Variants in LEPROT observed in about 807,000 individuals in gnomAD.
The protein encoded by LEPROT is leptin receptor overlapping transcript, also known as leptin receptor gene-related protein.
In LEPROT, 3 loss-of-function variants were observed where a neutral mutation model predicts 15.4. That is an observed-to-expected ratio of 0.19 (90% CI 0.09 to 0.50). The LOEUF (loss-of-function observed/expected upper bound fraction) is 0.50. LEPROT is among the 20% of genes least tolerant of loss of function. LEPROT has a pLI of 0.97. For synonymous variants in LEPROT, 59 were observed against 57.5 expected (o/e 1.03, Z -0.12); for missense variants, 137 against 162.2 (o/e 0.84, Z 0.84).
Position 65,433,070 on chromosome 1 carries a change from G to T in LEPROT, c.*1151G>T, listed in dbSNP as rs186487517. The stretch of plus-strand genomic sequence containing the variant: ...AGATGCGGGCAGGGAGGCTGGGCTC[G>T]AGCCAGCCCCTGCGTTAGCAGGAGG... On this transcript the variant is annotated 3_prime_UTR_variant, in exon 4 of 4. Coordinates refer to ENST00000371065, the MANE Select transcript of LEPROT (RefSeq NM_017526.5). 1.0e-6 allele frequency: 1 copy of T among 985,380 alleles called. No homozygotes were observed. Among genetic ancestry groups the T allele is most frequent in the Non-Finnish European group, 1.2e-6 (1 of 829,932 alleles). 61.0% of individuals were successfully genotyped at this position (985,380 alleles called of 1,614,324 possible).
rs1410378867 is a variant in LEPROT at position 65,433,972 on chromosome 1, A to C, written c.*2053A>C. On this transcript the variant is annotated 3_prime_UTR_variant, in exon 4 of 4. Transcript: ENST00000371065. Reference sequence around the variant, plus strand: ...ATCTTGAATGTCTAGTTGGTGTGCAATAGCTTTTCTTTCTAAGATGGCAAT... The same window carrying C: ...ATCTTGAATGTCTAGTTGGTGTGCACTAGCTTTTCTTTCTAAGATGGCAAT... 1.0e-6 allele frequency: 1 copy of C among 985,410 alleles called. No individual in the cohort carries two copies. Among genetic ancestry groups the C allele is most frequent in the East Asian group, 1.1e-4 (1 of 8,820 alleles). The allele number at this position is 985,410 out of a possible 1,614,324, so 61.0% of individuals were successfully genotyped here.
chr1:65,427,931 A>G (rs1384544203), intron 2 of LEPROT: 1 of 178,154 alleles, frequency 5.6e-6, no homozygotes, highest in African/African-American at 2.4e-5. Flanking sequence ...AACCAGGATT[A>G]TCATCTATAT....
In LEPROT at chr1:65,432,998, A is replaced by G; in HGVS notation, c.*1079A>G. On this transcript the variant is annotated 3_prime_UTR_variant, in exon 4 of 4. Coordinates refer to ENST00000371065, the MANE Select transcript of LEPROT (RefSeq NM_017526.5). ...AAAAAAACATCTCAGTGGGGAACAG[A>G]TGTATCTTTTCATCTGAAAGACAAT... The G allele has an allele frequency of 2.0e-6, 2 of 985,458 alleles. No individual in the cohort carries two copies. Among genetic ancestry groups the G allele is most frequent in the Non-Finnish European group, 2.4e-6 (2 of 829,934 alleles). The allele number at this position is 985,458 out of a possible 1,614,324, so 61.0% of individuals were successfully genotyped here. A position where few individuals can be genotyped will look rare whatever the true frequency, so the allele number is the denominator to read the frequency against.
chr1:65,421,530 C>T (rs1357757621), intron 1 of LEPROT: 8 of 1,520,414 alleles, frequency 5.3e-6, no homozygotes, highest in South Asian at 2.4e-5. Context: ...GCTTTTATAT[C>T]ATCCTTGAAA....
intron 2 of LEPROT, among the ~76,000 whole-genome samples, chr1:65,426,879 T>C (rs1646385331): frequency 6.6e-6 from 1 of 152,176 alleles, no homozygotes; most frequent in South Asian, 2.1e-4. Context: ...ACGCCTGTAT[T>C]CCCAGCTACT....
At chr1:65,431,057 A>T (rs1335584200) in intron 3 of LEPROT, among the ~76,000 whole-genome samples, 4 of 152,234 alleles carry the variant, frequency 2.6e-5, no homozygotes, top group Non-Finnish European at 5.9e-5. Context: ...AAACCTGATT[A>T]GCAATGGTCT....
chr1:65,429,843 G>T lies in LEPROT; in HGVS notation c.93-19G>T. 1 of 1,396,744 alleles carries T rather than the reference G, an allele frequency of 7.2e-7. No homozygotes were observed. Among genetic ancestry groups the T allele is most frequent in the Non-Finnish European group, 9.4e-7 (1 of 1,061,094 alleles). 86.5% of individuals were successfully genotyped at this position (1,396,744 alleles called of 1,614,324 possible). ...ACTGTTACTTTTCTTTTTGGATTTT[G>T]CCTGGGTCCAACTGACAGCGTTTAC... On this transcript the variant is annotated intron_variant, in intron 2 of 3. Transcript: ENST00000371065.
intron 1 of LEPROT, among the ~76,000 whole-genome samples, chr1:65,422,419 C>T (rs942145178): frequency 3.3e-5 from 5 of 152,124 alleles, no homozygotes; most frequent in Non-Finnish European, 5.9e-5. Flanking sequence ...AGTGTGGTGG[C>T]GCTGCTGACA....
In LEPROT at chr1:65,431,984, A is replaced by G. The variant is rs1461119473; in HGVS notation, c.*65A>G. On this transcript the variant is annotated 3_prime_UTR_variant, in exon 4 of 4. Coordinates refer to ENST00000371065, the MANE Select transcript of LEPROT (RefSeq NM_017526.5). ...TCATACTATCTGTATACATGTGCACATGCGGCATTTTACTATGAAATTTAA... is the reference window on the plus strand; with the variant it reads ...TCATACTATCTGTATACATGTGCACGTGCGGCATTTTACTATGAAATTTAA... The G allele has an allele frequency of 3.4e-5, 52 of 1,518,846 alleles. No individual in the cohort carries two copies. In the South Asian group the frequency reaches 6.4e-4, roughly 19 times the overall value. The allele number at this position is 1,518,846 out of a possible 1,614,324, so 94.1% of individuals were successfully genotyped here.
At chr1:65,430,197 C>T (rs966512772) in intron 3 of LEPROT, 149 bp downstream of exon 3, 16 of 595,058 alleles carry the variant, frequency 2.7e-5, no homozygotes, top group African/African-American at 2.6e-4. Context: ...TTTAGACCTG[C>T]CTAACAGTAG....
rs113717341 is a variant in LEPROT, at chr1:65,425,163, T to G, written c.17-140T>G. 728 of 674,194 alleles carry G rather than the reference T, an allele frequency of 1.1e-3. 9 individuals carry two copies. The African/African-American group carries it at 0.011, about 10-fold the overall frequency. 41.8% of individuals were successfully genotyped at this position (674,194 alleles called of 1,614,324 possible). On this transcript the variant is annotated intron_variant, in intron 1 of 3. Transcript: ENST00000371065. ...ATTCAGAAGGTTATGCAGCCATCAC[T>G]ACTATCTAATTCCAGAAAATTTACT...
chr1:65,422,321 A>G (rs1198873512), intron 1 of LEPROT, among the ~76,000 whole-genome samples: 2 of 125,654 alleles, frequency 1.6e-5, no homozygotes, highest in East Asian at 6.4e-4. Flanking sequence ...CAAAGTCAGG[A>G]GCACCAAAGA....
chr1:65,431,876 T>G lies in LEPROT; in HGVS notation c.353T>G (p.Leu118Arg). Residue 118 changes from leucine to arginine, a missense_variant, in exon 4 of 4, where the codon CTT (leucine) becomes CGT (arginine). Physicochemically the swap from Leu to Arg is moderately radical, Grantham distance 102. Transcript: ENST00000371065. ...VIFLTIQGFF[L>R]IFGRGDDFSW... is the part of the protein sequence containing the mutation. ...TTCCTTACAATTCAAGGGTTTTTCC[T>G]TATATTTGGAAGAGGAGATGATTTT... The G allele has an allele frequency of 6.2e-7, 1 of 1,614,132 alleles. No individual in the cohort carries two copies. The highest frequency in any genetic ancestry group is 8.5e-7 in the Non-Finnish European group (1 of 1,179,978).
At chr1:65,428,477 C>T (rs12077210) in intron 2 of LEPROT, among the ~76,000 whole-genome samples, 17,360 of 152,186 alleles carry the variant, frequency 0.11, 1,793 homozygotes, top group African/African-American at 0.27. Flanking sequence ...TTTGGTGATT[C>T]TTGAAACATA....
At position 65,426,560 on chromosome 1, in the gene LEPROT, TG is replaced by T. The variant is rs553547460; in HGVS notation, c.92+1186del. ...TCATAAATCAAGCAAAATTGAGGGC[TG>T]GGGCAGTAGGAATGGAAAGAAAAGG... On this transcript the variant is annotated intron_variant, in intron 2 of 3. Coordinates refer to ENST00000371065, the MANE Select transcript of LEPROT (RefSeq NM_017526.5). Among the ~76,000 whole-genome samples, 260 of 152,070 alleles carry T rather than the reference TG, an allele frequency of 1.7e-3. 2 individuals are homozygous for T. The highest frequency in any genetic ancestry group is 6.8e-3 in the Middle Eastern group (2 of 294).
chr1:65,426,979 A>G (rs962326221), intron 2 of LEPROT, among the ~76,000 whole-genome samples: 1 of 149,026 alleles, frequency 6.7e-6, no homozygotes, highest in African/African-American at 2.5e-5. Flanking sequence ...GCCTGGCGAC[A>G]GAGCAAGACT....
intron 1 of LEPROT, among the ~76,000 whole-genome samples, chr1:65,424,539 A>G (rs926774814): frequency 4.3e-5 from 5 of 117,264 alleles, no homozygotes; most frequent in Non-Finnish European, 9.3e-5. Context: ...AGACCTTTGT[A>G]TACTTTATGA....
intron 1 of LEPROT, chr1:65,421,230 A>C (rs1045854296): frequency 7.6e-7 from 1 of 1,318,130 alleles, no homozygotes; most frequent in Non-Finnish European, 1.0e-6. Context: ...GTGTCAATGG[A>C]AAGCACCCAG....
chr1:65,434,737 ACT>A lies in LEPROT; in HGVS notation c.*2820_*2821del. ...CCTAATGCCCTTGAGATCCAGGTACACTCCTGGGAGTTTTGTTCACCTCTCCC... is the reference window on the plus strand; with the variant it reads ...CCTAATGCCCTTGAGATCCAGGTACACCTGGGAGTTTTGTTCACCTCTCCC... On this transcript the variant is annotated 3_prime_UTR_variant, in exon 4 of 4. Coordinates refer to ENST00000371065, the MANE Select transcript of LEPROT (RefSeq NM_017526.5). The A allele has an allele frequency of 5.1e-6, 5 of 985,224 alleles. No individual in the cohort carries two copies. The highest frequency in any genetic ancestry group is 6.0e-6 in the Non-Finnish European group (5 of 829,914). 61.0% of individuals were successfully genotyped at this position (985,224 alleles called of 1,614,324 possible).
Sources: gnomAD v4.1 joint callset for allele counts (sites outside exome capture counted in the v4.1 genomes callset) on GRCh38, gnomAD v4.1.1 for gene constraint, MANE v1.5 for transcripts, NCBI Gene and HGNC (gene_info 2026-07-23, HGNC 2026-07-21) for gene names.